Variants in MTMR12 observed in about 807,000 individuals in gnomAD.
MTMR12 encodes myotubularin-related protein 12.
MTMR12 carries 33 observed loss-of-function variants against 96.7 expected under a neutral mutation model. The observed-to-expected ratio is 0.34, with a 90% confidence interval of 0.26 to 0.46. MTMR12 has a LOEUF of 0.46. MTMR12 is among the 20% of genes least tolerant of loss of function. MTMR12 has a pLI of 1.00. For missense variants in MTMR12, 721 were observed against 896.1 expected, an observed-to-expected ratio of 0.80 and a Z score of 2.49; for synonymous variants, 298 against 327.2, an observed-to-expected ratio of 0.91 and a Z score of 0.96.
rs542839652 is a variant in MTMR12 at position 32,247,687 on chromosome 5, C to T, written c.1021+315G>A. On this transcript the variant is annotated intron_variant, in intron 10 of 15. Coordinates refer to ENST00000382142, the MANE Select transcript of MTMR12 (RefSeq NM_001040446.3). ...TACTGCAAGTCAACAAATATAAATA[C>T]TACATAGTTCAAAAACTTTTAAAGG... 22 of 921,844 alleles carry T rather than the reference C, an allele frequency of 2.4e-5. No individual in the cohort carries two copies. In the South Asian group the frequency reaches 9.5e-4, roughly 40 times the overall value. 57.1% of individuals were successfully genotyped at this position (921,844 alleles called of 1,614,324 possible). A position where few individuals can be genotyped will look rare whatever the true frequency, so the allele number is the denominator to read the frequency against.
At chr5:32,295,397 G>A (rs1750887176) in intron 1 of MTMR12, among the ~76,000 whole-genome samples, 1 of 152,214 alleles carries the variant, frequency 6.6e-6, no homozygotes, top group South Asian at 2.1e-4. Context: ...AATTCAACCT[G>A]GTACCTGGTC....
At chr5:32,269,774 C>A (rs879693043) in intron 5 of MTMR12, among the ~76,000 whole-genome samples, 2 of 152,214 alleles carry the variant, frequency 1.3e-5, no homozygotes, top group Non-Finnish European at 2.9e-5. Context: ...AACCAAGACA[C>A]AGCTGTTCTG....
intron 1 of MTMR12, among the ~76,000 whole-genome samples, chr5:32,304,419 G>A (rs575482485): frequency 4.6e-5 from 7 of 152,134 alleles, no homozygotes; most frequent in African/African-American, 1.7e-4. Context: ...CTTTGGTTAA[G>A]GTACCATCAT....
At chr5:32,297,173 A>T (rs1032047952) in intron 1 of MTMR12, among the ~76,000 whole-genome samples, 5 of 152,132 alleles carry the variant, frequency 3.3e-5, no homozygotes, top group Admixed American at 2.0e-4. Context: ...ATGTTTAACA[A>T]TATAAAGTGT....
chr5:32,267,141 C>A (rs1456213990), intron 6 of MTMR12, among the ~76,000 whole-genome samples: 1 of 150,882 alleles, frequency 6.6e-6, no homozygotes. Context: ...CTTTGGGAGG[C>A]CGAGGCCGTG....
At chr5:32,294,512 G>T (rs1442723440) in intron 1 of MTMR12, among the ~76,000 whole-genome samples, 3 of 151,964 alleles carry the variant, frequency 2.0e-5, no homozygotes, top group Non-Finnish European at 4.4e-5. Flanking sequence ...CGTTGGCTAG[G>T]CTGGTCTTGA....
At position 32,236,471 on chromosome 5, in the gene MTMR12, CA is replaced by C. The variant is rs143877014; in HGVS notation, c.1345-1343del. On this transcript the variant is annotated intron_variant, in intron 13 of 15. Transcript: ENST00000382142. The stretch of plus-strand genomic sequence containing the variant: ...CTGAGGCAGGAGGATTGCTTGAGCC[CA>C]GGGGGTTGAAACTGCAGTAAGCCAT... Among the ~76,000 whole-genome samples the C allele has an allele frequency of 5.8e-3, 886 of 152,224 alleles. 2 individuals are homozygous for C. Among genetic ancestry groups the C allele is most frequent in the African/African-American group, 0.02 (849 of 41,522 alleles).
chr5:32,232,096 T>C (rs1313301657), intron 15 of MTMR12, among the ~76,000 whole-genome samples: 1 of 152,214 alleles, frequency 6.6e-6, no homozygotes, highest in Non-Finnish European at 1.5e-5. Context: ...CCAGCTGACA[T>C]GCCAGCAGCT....
At chr5:32,257,740 C>G (rs577426681) in intron 7 of MTMR12, among the ~76,000 whole-genome samples, 55 of 152,028 alleles carry the variant, frequency 3.6e-4, no homozygotes, top group Non-Finnish European at 6.6e-4. Flanking sequence ...TCTACTCTAG[C>G]CTGGGCAACA....
intron 1 of MTMR12, among the ~76,000 whole-genome samples, chr5:32,307,729 C>T (rs1260408790): frequency 6.6e-6 from 1 of 152,180 alleles, no homozygotes; most frequent in East Asian, 1.9e-4. Flanking sequence ...CGATGCCAGT[C>T]CTTTCTGATC....
intron 1 of MTMR12, among the ~76,000 whole-genome samples, chr5:32,287,832 T>C (rs1434120093): frequency 6.6e-6 from 1 of 152,210 alleles, no homozygotes; most frequent in African/African-American, 2.4e-5. Flanking sequence ...GCAAGGAGTT[T>C]AGTGACTCTA....
intron 7 of MTMR12, among the ~76,000 whole-genome samples, chr5:32,259,709 A>C (rs1431134089): frequency 1.3e-5 from 2 of 152,162 alleles, no homozygotes; most frequent in Non-Finnish European, 2.9e-5. Flanking sequence ...TCACAAGGAC[A>C]CCTGACTTAG....
At chr5:32,246,425 G>A (rs1482570572) in intron 10 of MTMR12, among the ~76,000 whole-genome samples, 1 of 152,150 alleles carries the variant, frequency 6.6e-6, no homozygotes, top group Non-Finnish European at 1.5e-5. Context: ...GCCTCCCAAA[G>A]TGCTGGATTA....
rs1561736904 is a variant in MTMR12, at chr5:32,233,981, GA to G, written c.1513-48del. The G allele has an allele frequency of 6.2e-7, 1 of 1,609,542 alleles. No homozygotes were observed. The highest frequency in any genetic ancestry group is 1.3e-5 in the African/African-American group (1 of 74,922). On this transcript the variant is annotated intron_variant, in intron 14 of 15. Coordinates refer to ENST00000382142, the MANE Select transcript of MTMR12 (RefSeq NM_001040446.3). This position sits in a 1 kb window ranked among gnomAD's most constrained non-coding sequence, Gnocchi z 5.0. Reference sequence around the variant, plus strand: ...ATGCTGTTTTCCAGGGAGGGCTGAGGAAGGCAAACACATACTTCTGGACACA... The same window carrying G: ...ATGCTGTTTTCCAGGGAGGGCTGAGGAGGCAAACACATACTTCTGGACACA...
At chr5:32,241,637 G>C (rs1425434728) in intron 12 of MTMR12, among the ~76,000 whole-genome samples, 1 of 152,126 alleles carries the variant, frequency 6.6e-6, no homozygotes, top group Non-Finnish European at 1.5e-5. Context: ...GAACTCACAG[G>C]CCACCAAGTT....
At chr5:32,231,091 C>T (rs1402191920) in intron 15 of MTMR12, among the ~76,000 whole-genome samples, 2 of 152,062 alleles carry the variant, frequency 1.3e-5, no homozygotes, top group African/African-American at 2.4e-5. Flanking sequence ...TGGGGGTGCA[C>T]TGAGAAAGGG....
intron 13 of MTMR12, 24 bp from the exon 14 acceptor site, chr5:32,235,153 C>T (rs772545352): frequency 1.9e-6 from 3 of 1,601,010 alleles, no homozygotes; most frequent in Non-Finnish European, 1.7e-6. Context: ...AGATACGTTA[C>T]TTGGTGGGCA....
intron 8 of MTMR12, among the ~76,000 whole-genome samples, chr5:32,250,767 T>C (rs1748885444): frequency 6.6e-6 from 1 of 152,178 alleles, no homozygotes; most frequent in African/African-American, 2.4e-5. Context: ...GCACATGTAA[T>C]AACTCCTAAT....
intron 7 of MTMR12, among the ~76,000 whole-genome samples, chr5:32,261,591 A>G (rs1749360837): frequency 6.6e-6 from 1 of 152,154 alleles, no homozygotes; most frequent in African/African-American, 2.4e-5. Context: ...GCACTTATCT[A>G]TTAACATGCT....
Sources: gnomAD v4.1 joint callset for allele counts (sites outside exome capture counted in the v4.1 genomes callset) on GRCh38, gnomAD v4.1.1 for gene constraint, Gnocchi (gnomAD v3.1) non-coding constraint, MANE v1.5 for transcripts, NCBI Gene and HGNC (gene_info 2026-07-23, HGNC 2026-07-21) for gene names.